TNRC6A: variants seen among roughly 807,000 people sequenced by gnomAD.
The protein encoded by TNRC6A is trinucleotide repeat containing adaptor 6A, also known as trinucleotide repeat-containing gene 6A protein.
A neutral mutation model predicts 221.2 loss-of-function variants in TNRC6A; 44 were observed. That is an observed-to-expected ratio of 0.20 (90% CI 0.16 to 0.26). The LOEUF is 0.26. TNRC6A is among the 10% of genes least tolerant of loss of function. The probability of loss-of-function intolerance (pLI) is 1.00; values close to 1 mark genes in which losing one functional copy is unlikely to be tolerated. For synonymous variants in TNRC6A, 847 were observed against 838.5 expected (o/e 1.01, Z -0.18); for missense variants, 2,199 against 2,404.4 (o/e 0.91, Z 1.79).
At chr16:24,796,573 A>G (rs1276230100) in intron 9 of TNRC6A, among the ~76,000 whole-genome samples, 1 of 152,184 alleles carries the variant, frequency 6.6e-6, no homozygotes, top group Non-Finnish European at 1.5e-5. Flanking sequence ...GAACTTGGCA[A>G]CTAGTTAGGT....
intron 2 of TNRC6A, among the ~76,000 whole-genome samples, chr16:24,712,599 T>G (rs2056225415): frequency 6.6e-6 from 1 of 152,226 alleles, no homozygotes; most frequent in Non-Finnish European, 1.5e-5. Flanking sequence ...TAGATAACAT[T>G]CTTTCATGTA....
intron 14 of TNRC6A, 46 bp downstream of exon 14, chr16:24,805,197 T>C (rs1241422926): frequency 6.2e-7 from 1 of 1,602,658 alleles, no homozygotes; most frequent in Admixed American, 1.7e-5. Context: ...GCAAAAAGGA[T>C]CTTGCATGAT....
chr16:24,697,090 A>G (rs1462706854), intron 2 of TNRC6A, among the ~76,000 whole-genome samples: 1 of 152,222 alleles, frequency 6.6e-6, no homozygotes, highest in East Asian at 1.9e-4. Context: ...TTGAATGTTC[A>G]CAACACTGAG....
chr16:24,657,940 T>C (rs2054952789), intron 2 of TNRC6A, among the ~76,000 whole-genome samples: 1 of 152,194 alleles, frequency 6.6e-6, no homozygotes, highest in South Asian at 2.1e-4. Context: ...TTTTCTTTGG[T>C]ACTATCTTAT....
intron 17 of TNRC6A, among the ~76,000 whole-genome samples, chr16:24,807,474 A>G (rs1444874148): frequency 6.6e-6 from 1 of 152,254 alleles, no homozygotes; most frequent in African/African-American, 2.4e-5. Context: ...ATTTTTGAGC[A>G]GTGCTGTTTT....
At chr16:24,749,851 A>G (rs1228035337) in intron 2 of TNRC6A, among the ~76,000 whole-genome samples, 1 of 152,160 alleles carries the variant, frequency 6.6e-6, no homozygotes, top group Non-Finnish European at 1.5e-5. Flanking sequence ...TGAAGAATAC[A>G]TTATTAGACC....
In TNRC6A at chr16:24,825,984, A is replaced by G. The variant is rs748807150; in HGVS notation, c.*2177A>G. The G allele has an allele frequency of 1.3e-5, 2 of 152,648 alleles. No individual in the cohort carries two copies. The highest frequency in any genetic ancestry group is 2.4e-5 in the African/African-American group (1 of 41,442). 9.5% of individuals were successfully genotyped at this position (152,648 alleles called of 1,614,324 possible). On this transcript the variant is annotated 3_prime_UTR_variant, in exon 25 of 25. Transcript: ENST00000395799. The stretch of plus-strand genomic sequence containing the variant: ...AGCTAATGTTGTCGGACACCTTACT[A>G]TAAGCAAATGTTATTCAGTGCGTTC...
At chr16:24,617,067 T>G (rs1900392806) in intron 1 of TNRC6A, among the ~76,000 whole-genome samples, 1 of 152,204 alleles carries the variant, frequency 6.6e-6, no homozygotes, top group East Asian at 1.9e-4. Context: ...GAGAGAAATG[T>G]GCCAAAATCT....
In TNRC6A at chr16:24,823,752, C is replaced by T; in HGVS notation, c.5834C>T (p.Pro1945Leu). ...SDPRGISSPSPINAFLSVDHL... is the reference protein window; with the variant it reads ...SDPRGISSPSLINAFLSVDHL... Reference sequence around the variant, plus strand: ...CCCCGAGGAATTAGCAGCCCATCTCCCATTAACGCTTTTCTTTCTGTTGAC... The same window carrying T: ...CCCCGAGGAATTAGCAGCCCATCTCTCATTAACGCTTTTCTTTCTGTTGAC... Residue 1945 changes from proline to leucine, a missense_variant, in exon 25 of 25, where the codon CCC becomes CTC. By Grantham distance (98) the Pro-to-Leu change is moderately conservative. Around this residue, in one of 8 missense-constraint regions of TNRC6A, gnomAD observed 130 missense variants for 121.7 expected, o/e 1.07. Coordinates refer to ENST00000395799, the MANE Select transcript of TNRC6A (RefSeq NM_014494.4). The surrounding 1 kb of genome is among the most constrained non-coding windows in gnomAD (Gnocchi z 4.3). 6.7e-7 allele frequency: 1 copy of T among 1,499,246 alleles called. No individual in the cohort carries two copies. The highest frequency in any genetic ancestry group is 8.9e-7 in the Non-Finnish European group (1 of 1,124,862). 92.9% of individuals were successfully genotyped at this position (1,499,246 alleles called of 1,614,324 possible). A position where few individuals can be genotyped will look rare whatever the true frequency, so the allele number is the denominator to read the frequency against.
intron 23 of TNRC6A, among the ~76,000 whole-genome samples, chr16:24,822,566 C>T (rs947960899): frequency 2.0e-5 from 3 of 152,192 alleles, no homozygotes; most frequent in Admixed American, 2.0e-4. Flanking sequence ...CACCTCCCTC[C>T]TCCCTCAGGG....
chr16:24,757,507 T>G (rs2057277771), intron 3 of TNRC6A, among the ~76,000 whole-genome samples: 1 of 152,210 alleles, frequency 6.6e-6, no homozygotes, highest in African/African-American at 2.4e-5. Context: ...TCTGTTATTT[T>G]CAGGATTCCC....
At position 24,636,157 on chromosome 16, in the gene TNRC6A, G is replaced by A. The variant is rs111484681; in HGVS notation, n.277-4727G>A. On this transcript the variant is annotated intron_variant and non_coding_transcript_variant, in intron 1 of 2. Coordinates refer to the TNRC6A transcript ENST00000566108. The stretch of plus-strand genomic sequence containing the variant: ...TACTGCCTGCCAAGGATTTTCATCA[G>A]GAATGTGTGCTGGATTCTTTCTTAA... Among the ~76,000 whole-genome samples the A allele has an allele frequency of 5.0e-3, 760 of 152,298 alleles. 10 individuals are homozygous for A. The highest frequency in any genetic ancestry group is 0.017 in the African/African-American group (713 of 41,564).
chr16:24,817,032 C>T, intron 20 of TNRC6A, 76 bp downstream of exon 20: 1 of 1,445,112 alleles, frequency 6.9e-7, no homozygotes, highest in Non-Finnish European at 9.2e-7. Context: ...TACCCAGCTA[C>T]TCTGGGCGAC....
intron 2 of TNRC6A, among the ~76,000 whole-genome samples, chr16:24,708,855 T>G (rs2056149315): frequency 6.6e-6 from 1 of 152,210 alleles, no homozygotes; most frequent in Non-Finnish European, 1.5e-5. Context: ...CTCAGTAGTA[T>G]TCCATGATAC....
At chr16:24,806,377 A>G (rs2058432527) in intron 16 of TNRC6A, 94 bp downstream of exon 16, 12 of 1,500,514 alleles carry the variant, frequency 8.0e-6, no homozygotes, top group Non-Finnish European at 1.1e-5. Flanking sequence ...GTCTTTCTTA[A>G]AACAATCTTA....
At chr16:24,698,336 G>A (rs1352308656) in intron 2 of TNRC6A, among the ~76,000 whole-genome samples, 1 of 152,044 alleles carries the variant, frequency 6.6e-6, no homozygotes, top group Non-Finnish European at 1.5e-5. Flanking sequence ...TACATAGGCT[G>A]CCTGAACCCC....
In TNRC6A at chr16:24,750,755, T is replaced by C; in HGVS notation, c.83T>C (p.Met28Thr). The stretch of plus-strand genomic sequence containing the variant: ...TTAGTGCAAGAAGAAGAACAGTTGA[T>C]GGAAGAAAAGAAAAAGAAAAAAGAC... Reference protein sequence around the residue: ...RDLVQEEEQLMEEKKKKKDDK... With the variant: ...RDLVQEEEQLTEEKKKKKDDK... Residue 28 changes from methionine (M) to threonine (T), a missense_variant, in exon 3 of 25, where the codon ATG becomes ACG. This residue lies in a region of TNRC6A where 1,405 missense variants were observed against 1,400.2 expected (regional missense o/e 1.00). Transcript: ENST00000395799. 6.4e-7 allele frequency: 1 copy of C among 1,563,366 alleles called. No homozygotes were observed. The highest frequency in any genetic ancestry group is 8.6e-7 in the Non-Finnish European group (1 of 1,158,974).
intron 3 of TNRC6A, among the ~76,000 whole-genome samples, chr16:24,755,717 G>T (rs911434191): frequency 6.6e-6 from 1 of 152,382 alleles, no homozygotes; most frequent in African/African-American, 2.4e-5. Flanking sequence ...AGCAAGTGGA[G>T]TGCTGTGCTC....
chr16:24,746,380 C>T (rs923467946), intron 2 of TNRC6A, among the ~76,000 whole-genome samples: 18 of 152,126 alleles, frequency 1.2e-4, no homozygotes, highest in African/African-American at 4.3e-4. Context: ...CACCTCATTC[C>T]AGCTCGGGGC....
Sources: allele counts gnomAD v4.1 joint callset (sites outside exome capture counted in the v4.1 genomes callset), GRCh38; gene constraint gnomAD v4.1.1; regional missense constraint gnomAD v4.1.1; non-coding constraint Gnocchi (gnomAD v3.1); transcripts MANE v1.5; gene names NCBI Gene and HGNC (gene_info 2026-07-23, HGNC 2026-07-21).